The following DCC variants were observed in gnomAD, a reference collection of about 807,000 sequenced individuals.
DCC encodes the protein DCC netrin 1 receptor, also known as netrin receptor DCC.
DCC carries 58 observed loss-of-function variants against 172.5 expected under a neutral mutation model. That is an observed-to-expected ratio of 0.34 (90% CI 0.27 to 0.42). The LOEUF (loss-of-function observed/expected upper bound fraction) is 0.42. Ranked by LOEUF, DCC falls within the 10% of genes least tolerant of loss-of-function variation. The probability of loss-of-function intolerance (pLI) is 1.00; values close to 1 mark genes in which losing one functional copy is unlikely to be tolerated. For missense variants in DCC, 1,740 were observed against 1,791.0 expected (o/e 0.97, Z 0.51); for synonymous variants, 709 against 644.5 (o/e 1.10, Z -1.52).
At chr18:52,702,206 T>G (rs1414468782) in intron 1 of DCC, among the ~76,000 whole-genome samples, 1 of 152,188 alleles carries the variant, frequency 6.6e-6, no homozygotes, top group Non-Finnish European at 1.5e-5. Context: ...CCCTGCTTCC[T>G]CAGACTTTGA....
chr18:52,576,306 A>C (rs2033410047), intron 1 of DCC, among the ~76,000 whole-genome samples: 2 of 152,232 alleles, frequency 1.3e-5, no homozygotes, highest in South Asian at 4.1e-4. Flanking sequence ...CTTCCAGTCT[A>C]GCAATTTCCG....
chr18:52,471,991 G>GCC (rs1988960142), intron 1 of DCC, among the ~76,000 whole-genome samples: 1 of 152,168 alleles, frequency 6.6e-6, no homozygotes, highest in South Asian at 2.1e-4. Context: ...GAGAAGGGAG[G>GCC]AAGGGATCTT....
intron 27 of DCC, among the ~76,000 whole-genome samples, chr18:53,511,120 G>A (rs1041949010): frequency 3.3e-5 from 5 of 152,222 alleles, no homozygotes; most frequent in African/African-American, 1.2e-4. Flanking sequence ...GAAAATGTAG[G>A]AAAAGGTGTT....
chr18:52,340,679 C>A lies in DCC; in HGVS notation c.-109C>A, dbSNP rs989575439. ...GAAGAGGACGAGGAGGAGGAGGAAG[C>A]CGAAGGGGCTCGGCGCGTGTGTGTG... On this transcript the variant is annotated 5_prime_UTR_variant, in exon 1 of 29. Coordinates refer to ENST00000442544, the MANE Select transcript of DCC (RefSeq NM_005215.4). The A allele has an allele frequency of 2.2e-5, 18 of 828,790 alleles. No homozygotes were observed. Among genetic ancestry groups the A allele is most frequent in the East Asian group, 4.8e-5 (2 of 41,258 alleles). 51.3% of individuals were successfully genotyped at this position (828,790 alleles called of 1,614,324 possible).
intron 1 of DCC, among the ~76,000 whole-genome samples, chr18:52,693,535 G>A (rs964054768): frequency 6.6e-6 from 1 of 150,862 alleles, no homozygotes; most frequent in Non-Finnish European, 1.5e-5. Context: ...CTTTTCCATT[G>A]AGAGAGACTA....
At chr18:52,867,249 A>T (rs1347495115) in intron 2 of DCC, among the ~76,000 whole-genome samples, 2 of 152,214 alleles carry the variant, frequency 1.3e-5, no homozygotes, top group African/African-American at 4.8e-5. Context: ...CTGGTGGATA[A>T]GCTTTTTGAT....
intron 1 of DCC, among the ~76,000 whole-genome samples, chr18:52,465,991 T>A (rs1406956885): frequency 1.3e-5 from 2 of 152,242 alleles, no homozygotes; most frequent in Admixed American, 6.5e-5. Context: ...CAAGTCCATA[T>A]GAGCTGGGTT....
intron 12 of DCC, among the ~76,000 whole-genome samples, chr18:53,294,659 C>T (rs1372903038): frequency 6.6e-6 from 1 of 151,980 alleles, no homozygotes; most frequent in African/African-American, 2.4e-5. Flanking sequence ...GGGGGACTCA[C>T]CCGGAAACAA....
At chr18:52,953,517 G>C (rs773124566) in intron 5 of DCC, among the ~76,000 whole-genome samples, 2 of 152,176 alleles carry the variant, frequency 1.3e-5, no homozygotes, top group African/African-American at 2.4e-5. Context: ...ACAGTGGCCT[G>C]TCCCTACCCA....
chr18:52,546,970 C>G (rs2032634142), intron 1 of DCC, among the ~76,000 whole-genome samples: 1 of 152,104 alleles, frequency 6.6e-6, no homozygotes, highest in African/African-American at 2.4e-5. Context: ...GCTGTCTGGA[C>G]CTTCCAAGCC....
chr18:52,534,053 C>G (rs535332722), intron 1 of DCC, among the ~76,000 whole-genome samples: 1 of 152,086 alleles, frequency 6.6e-6, no homozygotes, highest in Non-Finnish European at 1.5e-5. Context: ...CTTTTTGCCA[C>G]CAAATAATGT....
At chr18:53,247,747 C>T (rs145118792) in intron 12 of DCC, among the ~76,000 whole-genome samples, 2 of 152,088 alleles carry the variant, frequency 1.3e-5, no homozygotes, top group East Asian at 3.9e-4. Flanking sequence ...GCTTTTGAGA[C>T]CACTCTTGCT....
intron 26 of DCC, among the ~76,000 whole-genome samples, chr18:53,492,364 T>G (rs1198552935): frequency 1.3e-5 from 2 of 152,296 alleles, no homozygotes; most frequent in East Asian, 3.9e-4. Flanking sequence ...GGTGTTTTAG[T>G]CATGAAGTCT....
intron 22 of DCC, among the ~76,000 whole-genome samples, chr18:53,440,775 C>T (rs1040582662): frequency 6.6e-6 from 1 of 151,524 alleles, no homozygotes; most frequent in African/African-American, 2.4e-5. Context: ...ATCATCCACC[C>T]ATTATCTTTA....
chr18:52,472,475 A>G (rs1263008310), intron 1 of DCC, among the ~76,000 whole-genome samples: 2 of 152,052 alleles, frequency 1.3e-5, no homozygotes, highest in African/African-American at 4.8e-5. Context: ...TATTTCACTA[A>G]TTCTTATTGC....
intron 2 of DCC, among the ~76,000 whole-genome samples, chr18:52,877,396 G>A (rs1369864986): frequency 6.6e-6 from 1 of 152,082 alleles, no homozygotes; most frequent in Non-Finnish European, 1.5e-5. Context: ...AAATATGTAG[G>A]TTGAGAAAAC....
intron 1 of DCC, among the ~76,000 whole-genome samples, chr18:52,540,717 C>T (rs1189584907): frequency 1.4e-5 from 2 of 145,696 alleles, no homozygotes; most frequent in African/African-American, 5.0e-5. Context: ...TGCCATTCTC[C>T]TGCCTCAGCC....
chr18:52,402,656 GTAAC>G (rs1352273962), intron 1 of DCC, among the ~76,000 whole-genome samples: 2 of 151,982 alleles, frequency 1.3e-5, no homozygotes, highest in South Asian at 4.1e-4. Context: ...TTTGAAATGT[GTAAC>G]TAATGAGACT....
chr18:53,493,115 GCTCT>G (rs887279709), intron 26 of DCC, among the ~76,000 whole-genome samples: 13 of 152,004 alleles, frequency 8.6e-5, no homozygotes, highest in South Asian at 2.1e-4. Flanking sequence ...TCATGATTTG[GCTCT>G]CTGTTTGTCT....
Sources: gnomAD v4.1 joint callset for allele counts (sites outside exome capture counted in the v4.1 genomes callset) on GRCh38, gnomAD v4.1.1 for gene constraint, MANE v1.5 for transcripts, NCBI Gene and HGNC (gene_info 2026-07-23, HGNC 2026-07-21) for gene names.